Variants in CDCA3 observed in about 807,000 individuals in gnomAD.
The protein encoded by CDCA3 is cell division cycle-associated protein 3.
A neutral mutation model predicts 29.1 loss-of-function variants in CDCA3; 16 were observed. The observed-to-expected ratio is 0.55, with a 90% CI of 0.37 to 0.83. The LOEUF (loss-of-function observed/expected upper bound fraction) is 0.83, where lower values mean the gene tolerates loss of function less well. Ranked by LOEUF, CDCA3 falls within the 40% of genes least tolerant of loss-of-function variation. The pLI, the probability that CDCA3 is intolerant of heterozygous loss-of-function variation, is 0.00. For missense variants in CDCA3, 291 were observed against 327.2 expected (o/e 0.89, Z 0.85); for synonymous variants, 88 against 124.5 (o/e 0.71, Z 1.95).
At chr12:6,846,084 T>G (rs1943691060), downstream of CDCA3, 1 of 411,102 alleles carries the variant, frequency 2.4e-6, no homozygotes, top group South Asian at 3.4e-5. Flanking sequence ...TCTGGGTTCC[T>G]GGCATTTCAG....
At chr12:6,848,788 G>A (rs943698607), downstream of CDCA3, 18 of 478,284 alleles carry the variant, frequency 3.8e-5, no homozygotes, top group African/African-American at 2.0e-4. Flanking sequence ...TCTCTAGGCC[G>A]CCATTCTACA....
chr12:6,845,536 G>A (rs1345076200), downstream of CDCA3: 1 of 1,324,552 alleles, frequency 7.5e-7, no homozygotes, highest in Non-Finnish European at 1.1e-6. Context: ...GGGAGAGGCT[G>A]TGGGCTGCCC....
chr12:6,846,727 G>A (rs1401931919), downstream of CDCA3: 16 of 858,030 alleles, frequency 1.9e-5, no homozygotes, highest in Middle Eastern at 2.2e-4. Context: ...ACACTTACAC[G>A]CATGCACACA....
downstream of CDCA3, chr12:6,845,745 G>C (rs782090563): frequency 2.5e-6 from 4 of 1,614,058 alleles, no homozygotes; most frequent in East Asian, 8.9e-5. Context: ...CCTACTATTC[G>C]CTGGCTACGA....
In CDCA3 at chr12:6,850,615, A is replaced by G. The variant is rs781980130; in HGVS notation, c.121-19T>C. The G allele has an allele frequency of 4.3e-6, 7 of 1,614,132 alleles. No individual in the cohort carries two copies. The highest frequency in any genetic ancestry group is 1.7e-5 in the Admixed American group (1 of 60,024). On this transcript the variant is annotated intron_variant, in intron 2 of 5. Transcript: ENST00000538862. The surrounding 1 kb of genome is among the most constrained non-coding windows in gnomAD (Gnocchi z 4.7). ...TCTCCACCTGTCAAGACCATAGGCT[A>G]GAACAAGTCTGGGCCCTGACTCTTC...
downstream of CDCA3, chr12:6,845,672 C>G: frequency 6.2e-7 from 1 of 1,614,116 alleles, no homozygotes. Context: ...AGGAGCTGAT[C>G]TGCTTCTCCC....
chr12:6,846,837 C>T, downstream of CDCA3: 1 of 1,602,768 alleles, frequency 6.2e-7, no homozygotes, highest in Non-Finnish European at 8.5e-7. Context: ...CTGGGAGTCA[C>T]AGCTGACGGG....
downstream of CDCA3, chr12:6,845,593 C>A: frequency 1.9e-6 from 3 of 1,609,784 alleles, no homozygotes; most frequent in Non-Finnish European, 2.5e-6. Flanking sequence ...CAGTTCTTCC[C>A]CAATGGAGAG....
chr12:6,845,674 G>A (rs1555124493), downstream of CDCA3: 2 of 1,614,066 alleles, frequency 1.2e-6, no homozygotes, highest in Non-Finnish European at 1.7e-6. Flanking sequence ...GAGCTGATCT[G>A]CTTCTCCCAC....
chr12:6,845,713 TG>T, downstream of CDCA3: 2 of 1,614,130 alleles, frequency 1.2e-6, no homozygotes, highest in South Asian at 2.2e-5. Flanking sequence ...ATCACGTCCG[TG>T]GCCTTCTCCC....
chr12:6,849,178 TA>T lies in CDCA3; in HGVS notation c.671del (p.Leu224GlnfsTer8), dbSNP rs781931240. Reference sequence around the variant, plus strand: ...CCTTTAGTTCACTAACATTTTCACTTAGGGGTGAAGGCCGCTTACCCTGAAA... The same window carrying T: ...CCTTTAGTTCACTAACATTTTCACTTGGGGTGAAGGCCGCTTACCCTGAAA... ...TLRQGKRPSP[L>X]SENVSELKEG... On this transcript the variant is annotated frameshift_variant, in exon 6 of 6. Transcript: ENST00000538862. LOFTEE classifies it high-confidence loss of function. This position sits in a 1 kb window ranked among gnomAD's most constrained non-coding sequence, Gnocchi z 5.2. 26 of 1,614,058 alleles carry T rather than the reference TA, an allele frequency of 1.6e-5. No individual in the cohort carries two copies. Among genetic ancestry groups the T allele is most frequent in the Middle Eastern group, 1.6e-4 (1 of 6,080 alleles).
At position 6,850,970 on chromosome 12, in the gene CDCA3, G is replaced by A; in HGVS notation, c.-18C>T. 1 of 1,604,090 alleles carries A rather than the reference G, an allele frequency of 6.2e-7. No individual in the cohort carries two copies. Among genetic ancestry groups the A allele is most frequent in the East Asian group, 2.2e-5 (1 of 44,820 alleles). ...GAGCCCATCTCAACCAGGAGTTGCAGGGTGGGGGCAAGGGCCAGCCCGGGA... is the reference window on the plus strand; with the variant it reads ...GAGCCCATCTCAACCAGGAGTTGCAAGGTGGGGGCAAGGGCCAGCCCGGGA... On this transcript the variant is annotated 5_prime_UTR_variant, in exon 2 of 6. Coordinates refer to ENST00000538862, the MANE Select transcript of CDCA3 (RefSeq NM_031299.7). The surrounding 1 kb of genome is among the most constrained non-coding windows in gnomAD (Gnocchi z 4.7).
At chr12:6,848,344 C>A (rs1323183484), downstream of CDCA3, 2 of 152,324 alleles carry the variant, frequency 1.3e-5, no homozygotes, top group African/African-American at 2.4e-5. Flanking sequence ...AAGAGCAAGA[C>A]CCTGCCTCTA....
chr12:6,851,201 T>C, intron 1 of CDCA3, 21 bp downstream of exon 1: 1 of 1,306,084 alleles, frequency 7.7e-7, no homozygotes, highest in East Asian at 3.1e-5. Context: ...ACTTATTTAT[T>C]AAATTATTCA....
chr12:6,849,712 C>A lies in CDCA3; in HGVS notation c.397G>T (p.Glu133Ter). 1 of 1,614,068 alleles carries A rather than the reference C, an allele frequency of 6.2e-7. No homozygotes were observed. The highest frequency in any genetic ancestry group is 8.5e-7 in the Non-Finnish European group (1 of 1,179,986). Residue 133 changes from glutamate to a stop codon, truncating the protein, a stop_gained, in exon 4 of 6, where the codon GAG (glutamate) becomes TAG (stop). Coordinates refer to ENST00000538862, the MANE Select transcript of CDCA3 (RefSeq NM_031299.7). LOFTEE classifies it high-confidence loss of function. This position sits in a 1 kb window ranked among gnomAD's most constrained non-coding sequence, Gnocchi z 5.2. ...TGGTTCCAAGGTGGCATCTGTTCCT[C>A]AACAGATAACTGGGTACCCAGAGGC... ...DLPLGTQLSV[E>*]EQMPPWNQTE...
At chr12:6,847,280 T>C (rs782035408), downstream of CDCA3, 13 of 242,396 alleles carry the variant, frequency 5.4e-5, no homozygotes, top group African/African-American at 8.9e-5. Context: ...TTTGGCCCTG[T>C]GACTATGGCT....
chr12:6,850,387 C>T lies in CDCA3; in HGVS notation c.250+80G>A. The T allele has an allele frequency of 6.4e-7, 1 of 1,574,282 alleles. No homozygotes were observed. Among genetic ancestry groups the T allele is most frequent in the African/African-American group, 1.3e-5 (1 of 74,146 alleles). ...GAGGATAGAGGCCCCTTTAAGGAAC[C>T]CTGAGAGAATGGCTTCATGGACCCT... On this transcript the variant is annotated intron_variant, in intron 3 of 5. Transcript: ENST00000538862. The surrounding 1 kb of genome is among the most constrained non-coding windows in gnomAD (Gnocchi z 4.7).
At chr12:6,846,431 C>T (rs11064427), downstream of CDCA3, 2,358 of 193,678 alleles carry the variant, frequency 0.012, 312 homozygotes, top group East Asian at 0.26. Context: ...AAGGTGCCCT[C>T]GGGTTTTTTC....
chr12:6,847,076 G>C, downstream of CDCA3: 1 of 583,652 alleles, frequency 1.7e-6, no homozygotes, highest in Non-Finnish European at 3.1e-6. Context: ...AGGGACACAG[G>C]GGCAAAGAAC....
Sources: allele counts gnomAD v4.1 joint callset, GRCh38; gene constraint gnomAD v4.1.1; non-coding constraint Gnocchi (gnomAD v3.1); transcripts MANE v1.5; gene names NCBI Gene and HGNC (gene_info 2026-07-23, HGNC 2026-07-21).